The following FAM217A variants were observed in gnomAD, a reference collection of about 807,000 sequenced individuals.
FAM217A encodes family with sequence similarity 217 member A.
A neutral mutation model predicts 18.5 loss-of-function variants in FAM217A; 13 were observed. That is an observed-to-expected ratio of 0.70 (90% CI 0.46 to 1.12). FAM217A has a LOEUF of 1.12. Among genes scored for constraint, FAM217A ranks in the 50% most tolerant of loss-of-function variants. FAM217A has a pLI of 0.00. For missense variants in FAM217A, 560 were observed against 575.4 expected (o/e 0.97, Z 0.27); for synonymous variants, 161 against 202.8 (o/e 0.79, Z 1.75).
At position 4,068,682 on chromosome 6, in the gene FAM217A, A is replaced by G; in HGVS notation, c.*14T>C. On this transcript the variant is annotated 3_prime_UTR_variant, in exon 7 of 7. Transcript: ENST00000274673. ...AGTAGATGTGTTCACATTGAGATGT[A>G]TGAAAGAAAAGAGTTATTTTTGTTC... 3 of 1,576,356 alleles carry G rather than the reference A, an allele frequency of 1.9e-6. No individual in the cohort carries two copies. The highest frequency in any genetic ancestry group is 1.2e-5 in the South Asian group (1 of 83,018).
chr6:4,074,008 G>A (rs1769596709), intron 4 of FAM217A, among the ~76,000 whole-genome samples: 1 of 151,996 alleles, frequency 6.6e-6, no homozygotes, highest in Non-Finnish European at 1.5e-5. Context: ...GTGCCACCAT[G>A]CCTGGCTAAT....
At chr6:4,073,578 T>C in intron 4 of FAM217A, 71 bp from the exon 5 acceptor site, 1 of 1,229,960 alleles carries the variant, frequency 8.1e-7, no homozygotes, top group Non-Finnish European at 1.2e-6. Context: ...CAATGTATAG[T>C]TCTTGTTCTA....
intron 1 of FAM217A, 21 bp from the exon 2 acceptor site, chr6:4,077,469 G>A: frequency 1.3e-6 from 2 of 1,541,060 alleles, no homozygotes; most frequent in Non-Finnish European, 1.8e-6. Flanking sequence ...TGCGGGATAG[G>A]CACATTTATG....
upstream of FAM217A, among the ~76,000 whole-genome samples, chr6:4,080,727 C>T (rs1052390282): frequency 2.6e-5 from 4 of 152,172 alleles, no homozygotes; most frequent in Admixed American, 2.0e-4. Flanking sequence ...TCAAGCACAT[C>T]GGACATTTTA....
chr6:4,069,946 A>C, intron 6 of FAM217A, 26 bp from the exon 7 acceptor site: 1 of 1,441,832 alleles, frequency 6.9e-7, no homozygotes, highest in Non-Finnish European at 9.4e-7. Flanking sequence ...TAATTAATGA[A>C]TGGTTTATTG....
rs1769870600 is a variant in FAM217A, at chr6:4,077,261, G to A, written c.60+94C>T. 5 of 1,234,788 alleles carry A rather than the reference G, an allele frequency of 4.0e-6. No individual in the cohort carries two copies. The Admixed American group carries it at 7.0e-5, about 17-fold the overall frequency. 76.5% of individuals were successfully genotyped at this position (1,234,788 alleles called of 1,614,324 possible). A position where few individuals can be genotyped will look rare whatever the true frequency, so the allele number is the denominator to read the frequency against. The stretch of plus-strand genomic sequence containing the variant: ...ATAAACTGCCCACGATGCAAACGCA[G>A]CAAGGGCATCACTACAAGAAAACTC... On this transcript the variant is annotated intron_variant, in intron 2 of 6. Coordinates refer to ENST00000274673, the MANE Select transcript of FAM217A (RefSeq NM_173563.3).
upstream of FAM217A, among the ~76,000 whole-genome samples, chr6:4,082,770 C>G (rs1319436677): frequency 6.6e-6 from 1 of 152,238 alleles, no homozygotes; most frequent in Non-Finnish European, 1.5e-5. Flanking sequence ...TGGAAACTCT[C>G]CCCTGTATTT....
In FAM217A at chr6:4,073,640, A is replaced by C. The variant is rs777613780; in HGVS notation, c.160-133T>G. The C allele has an allele frequency of 7.7e-6, 5 of 651,604 alleles. No individual in the cohort carries two copies. In the East Asian group the frequency reaches 1.5e-4, roughly 20 times the overall value. 40.4% of individuals were successfully genotyped at this position (651,604 alleles called of 1,614,324 possible). On this transcript the variant is annotated intron_variant, in intron 4 of 6. Transcript: ENST00000274673. ...TGACACTTTGTTTATATACAAAGAA[A>C]TCATTTGTTTTTACTGATTTCAGCA...
Position 4,068,388 on chromosome 6 carries a change from G to A in FAM217A, c.*308C>T, listed in dbSNP as rs1207261383. On this transcript the variant is annotated 3_prime_UTR_variant, in exon 7 of 7. Transcript: ENST00000274673. ...TAAGTCAATTATACCATTTATTGATGGAATTATACTGGAAAACAATCACTG... is the reference window on the plus strand; with the variant it reads ...TAAGTCAATTATACCATTTATTGATAGAATTATACTGGAAAACAATCACTG... 4.4e-6 allele frequency: 1 copy of A among 227,218 alleles called. No homozygotes were observed. Among genetic ancestry groups the A allele is most frequent in the Non-Finnish European group, 8.5e-6 (1 of 117,350 alleles). The allele number at this position is 227,218 out of a possible 1,614,324, so 14.1% of individuals were successfully genotyped here.
upstream of FAM217A, chr6:4,079,576 C>A: frequency 7.8e-7 from 1 of 1,284,966 alleles, no homozygotes; most frequent in Non-Finnish European, 1.0e-6. Context: ...CCAGGCTGAG[C>A]TCTCCGCGAC....
intron 6 of FAM217A, among the ~76,000 whole-genome samples, chr6:4,072,591 C>T (rs146124978): frequency 8.9e-4 from 135 of 152,116 alleles, no homozygotes; most frequent in African/African-American, 2.9e-3. Context: ...GGAGAAACCC[C>T]GTCTCTACTA....
chr6:4,087,251 C>A, upstream of FAM217A: 1 of 1,151,510 alleles, frequency 8.7e-7, no homozygotes, highest in Non-Finnish European at 1.1e-6. Flanking sequence ...CAGAAATGGT[C>A]CATGTCCAGA....
At chr6:4,083,570 G>A (rs1435086019), upstream of FAM217A, among the ~76,000 whole-genome samples, 1 of 116,556 alleles carries the variant, frequency 8.6e-6, no homozygotes, top group African/African-American at 3.2e-5. Flanking sequence ...TTTTTTTTTT[G>A]AGACAGAGTC....
At position 4,069,930 on chromosome 6, in the gene FAM217A, A is replaced by G; in HGVS notation, c.303-10T>C. ...AGATTTTTTGAATTCCCTTTAAAAA[A>G]TAATTTAATTAATGAATGGTTTATT... On this transcript the variant is annotated splice_polypyrimidine_tract_variant and intron_variant, in intron 6 of 6. Coordinates refer to ENST00000274673, the MANE Select transcript of FAM217A (RefSeq NM_173563.3). 6.6e-7 allele frequency: 1 copy of G among 1,512,282 alleles called. No individual in the cohort carries two copies. The highest frequency in any genetic ancestry group is 9.0e-7 in the Non-Finnish European group (1 of 1,114,094). 93.7% of individuals were successfully genotyped at this position (1,512,282 alleles called of 1,614,324 possible).
upstream of FAM217A, chr6:4,079,676 G>A (rs1224913761): frequency 4.7e-6 from 6 of 1,275,734 alleles, no homozygotes; most frequent in Middle Eastern, 2.1e-4. Context: ...CAGGAGCACC[G>A]CCCGGTACGT....
rs17137618 is a variant in FAM217A at position 4,069,144 on chromosome 6, C to G, written c.1079G>C (p.Cys360Ser). Residue 360 changes from cysteine to serine, a missense_variant, in exon 7 of 7, where the codon TGT becomes TCT. Physicochemically the swap from Cys to Ser is moderately radical, Grantham distance 112 (BLOSUM62 -1). Coordinates refer to ENST00000274673, the MANE Select transcript of FAM217A (RefSeq NM_173563.3). ...QEKSKNNSGS[C>S]KLEQNALKRN... ...TTTTAAAGCATTTTGTTCAAGCTTA[C>G]AAGAACCAGAGTTGTTTTTACTTTT... The G allele has an allele frequency of 2.2e-3, 3,616 of 1,614,130 alleles. 74 individuals are homozygous for G. In the African/African-American group the frequency reaches 0.039, roughly 17 times the overall value.
At chr6:4,078,456 T>G (rs146263068) in intron 1 of FAM217A, among the ~76,000 whole-genome samples, 1 of 152,158 alleles carries the variant, frequency 6.6e-6, no homozygotes, top group Admixed American at 6.5e-5. Flanking sequence ...AGATTTAGTT[T>G]AGGTAGGTTT....
At chr6:4,079,848 G>A (rs970590619), upstream of FAM217A, among the ~76,000 whole-genome samples, 1 of 152,158 alleles carries the variant, frequency 6.6e-6, no homozygotes, top group African/African-American at 2.4e-5. Flanking sequence ...AAAAACAAAA[G>A]ATGATTTTTT....
At chr6:4,072,809 C>A (rs1769519204) in intron 6 of FAM217A, among the ~76,000 whole-genome samples, 2 of 151,982 alleles carry the variant, frequency 1.3e-5, no homozygotes, top group African/African-American at 2.4e-5. Context: ...ACTTTCATAT[C>A]CTGGCTCTCC....
Sources: allele counts gnomAD v4.1 joint callset (sites outside exome capture counted in the v4.1 genomes callset), GRCh38; gene constraint gnomAD v4.1.1; transcripts MANE v1.5; gene names NCBI Gene and HGNC (gene_info 2026-07-23, HGNC 2026-07-21).